BCOR: variants seen among roughly 807,000 people sequenced by gnomAD.
BCOR encodes the protein BCL6 corepressor.
A neutral mutation model predicts 86.7 loss-of-function variants in BCOR; 10 were observed. The observed-to-expected ratio is 0.12, with a 90% CI of 0.07 to 0.20. The LOEUF (loss-of-function observed/expected upper bound fraction) is 0.20. BCOR is among the 10% of genes least tolerant of loss of function. The pLI, the probability that BCOR is intolerant of heterozygous loss-of-function variation, is 1.00. For synonymous variants in BCOR, 611 were observed against 609.0 expected (o/e 1.00, Z -0.05); for missense variants, 1,259 against 1,452.1 (o/e 0.87, Z 2.16).
chrX:40,139,368 AT>A, intron 1 of BCOR, among the ~76,000 whole-genome samples: 2 of 51,753 alleles, frequency 3.9e-5, no homozygotes, highest in African/African-American at 1.2e-4. Flanking sequence ...AAAATTTAAA[AT>A]ATATATATAT....
At chrX:40,069,162 GACA>G (rs769158719) in intron 6 of BCOR, among the ~76,000 whole-genome samples, 3 of 112,651 alleles carry the variant, frequency 2.7e-5, no homozygotes, top group South Asian at 3.7e-4. Flanking sequence ...CAGCAGCAAG[GACA>G]ACATTTCCTC....
chrX:40,172,424 G>A (rs1003334793), intron 1 of BCOR, among the ~76,000 whole-genome samples: 3 of 113,069 alleles, frequency 2.7e-5, no homozygotes, highest in Admixed American at 9.2e-5. Flanking sequence ...AGAGGGCAGC[G>A]CGGTCTCCCC....
chrX:40,157,651 TTC>T (rs935029360), intron 1 of BCOR, among the ~76,000 whole-genome samples: 17 of 112,209 alleles, frequency 1.5e-4, no homozygotes, highest in African/African-American at 5.2e-4. Flanking sequence ...TTCTGGGTAC[TTC>T]TCTGTTTCTA....
At chrX:40,107,859 C>A (rs1350989022) in intron 1 of BCOR, among the ~76,000 whole-genome samples, 1 of 113,584 alleles carries the variant, frequency 8.8e-6, no homozygotes, top group Non-Finnish European at 1.9e-5. Context: ...GTGTCATTTG[C>A]ATAAAAATAG....
chrX:40,132,015 CAGA>C, intron 1 of BCOR, among the ~76,000 whole-genome samples: 1 of 111,931 alleles, frequency 8.9e-6, no homozygotes, highest in East Asian at 2.8e-4. Flanking sequence ...AAGACAAAGG[CAGA>C]AGAAGCCATG....
At chrX:40,105,654 G>A (rs1052208683) in intron 1 of BCOR, among the ~76,000 whole-genome samples, 1 of 112,992 alleles carries the variant, frequency 8.9e-6, no homozygotes, top group Non-Finnish European at 1.9e-5. Flanking sequence ...AGGCCCTGCA[G>A]CTGGGCGCGT....
At chrX:40,162,758 C>T (rs186380715) in intron 1 of BCOR, among the ~76,000 whole-genome samples, 12 of 112,057 alleles carry the variant, frequency 1.1e-4, no homozygotes, top group Non-Finnish European at 1.9e-4. Context: ...ACTGCCAATT[C>T]CCAAGCAAAA....
At chrX:40,089,629 C>T (rs1230786610) in intron 1 of BCOR, among the ~76,000 whole-genome samples, 1 of 111,289 alleles carries the variant, frequency 9.0e-6, no homozygotes, top group Non-Finnish European at 1.9e-5. Flanking sequence ...ATGCTCTCAA[C>T]AAGCCTCCCC....
intron 1 of BCOR, among the ~76,000 whole-genome samples, chrX:40,130,658 C>CA (rs1392559355): frequency 8.9e-6 from 1 of 111,999 alleles, no homozygotes; most frequent in Non-Finnish European, 1.9e-5. Context: ...AGAAGAGGAC[C>CA]AGAGAGAGCA....
In BCOR at chrX:40,063,035, C is replaced by T. The variant is rs1194416266; in HGVS notation, c.3884G>A (p.Ser1295Asn). 4.3e-6 allele frequency: 5 copies of T among 1,152,036 alleles called. No homozygotes were observed. In the South Asian group the frequency reaches 9.5e-5, roughly 22 times the overall value. The allele number at this position is 1,152,036 out of a possible 1,213,427, so 94.9% of individuals were successfully genotyped here. ...PVFSGSPPMK[S>N]LSSTSAGGKK... is the part of the protein sequence containing the mutation. The stretch of plus-strand genomic sequence containing the variant: ...GCCGCCTGCACTGGTGGATGAAAGA[C>T]TCTTCATGGGCGGAGAGCCGGAGAA... Residue 1295 changes from serine to asparagine, a missense_variant, in exon 9 of 15, where the codon AGT (serine) becomes AAT (asparagine). This residue lies in a region of BCOR where 305 missense variants were observed against 286.1 expected (regional missense o/e 1.07). Coordinates refer to ENST00000378444, the MANE Select transcript of BCOR (RefSeq NM_001123385.2).
intron 1 of BCOR, among the ~76,000 whole-genome samples, chrX:40,087,457 A>C (rs1373628397): frequency 8.9e-6 from 1 of 112,885 alleles, no homozygotes; most frequent in African/African-American, 3.2e-5. Context: ...TAGAATAACG[A>C]TAGCAGACAA....
chrX:40,127,359 T>G (rs1388912337), intron 1 of BCOR, among the ~76,000 whole-genome samples: 1 of 112,163 alleles, frequency 8.9e-6, no homozygotes, highest in East Asian at 2.8e-4. Flanking sequence ...GAGGCCATCT[T>G]GGATCTCCCC....
At chrX:40,109,412 G>A (rs1157952042) in intron 1 of BCOR, among the ~76,000 whole-genome samples, 7 of 112,271 alleles carry the variant, frequency 6.2e-5, no homozygotes, top group African/African-American at 2.3e-4. Flanking sequence ...CCTTGATGAG[G>A]TGCTGCCCCT....
chrX:40,085,714 G>A (rs972620988), intron 1 of BCOR, among the ~76,000 whole-genome samples: 3 of 112,006 alleles, frequency 2.7e-5, no homozygotes, highest in Non-Finnish European at 5.6e-5. Flanking sequence ...CAGGTGCCAG[G>A]GCTTGGAAGG....
intron 1 of BCOR, among the ~76,000 whole-genome samples, chrX:40,078,983 G>A (rs780667736): frequency 8.9e-6 from 1 of 111,883 alleles, no homozygotes; most frequent in African/African-American, 3.2e-5. Flanking sequence ...AGGTTGAGCC[G>A]TTTCTTTTGA....
rs1222917520 is a variant in BCOR at position 40,097,946 on chromosome X, C to G, written c.-772G>C. On this transcript the variant is annotated 5_prime_UTR_variant, in exon 1 of 15. Coordinates refer to ENST00000378444, the MANE Select transcript of BCOR (RefSeq NM_001123385.2). ...TCTGCCTCACCTTGCCGCTGGGAGCCCAGGCTCCGTCTGCCGCCGCACGCC... is the reference window on the plus strand; with the variant it reads ...TCTGCCTCACCTTGCCGCTGGGAGCGCAGGCTCCGTCTGCCGCCGCACGCC... Among the ~76,000 whole-genome samples the G allele has an allele frequency of 1.8e-5, 2 of 110,823 alleles. No homozygotes were observed. The highest frequency in any genetic ancestry group is 3.3e-5 in the African/African-American group (1 of 30,478).
intron 6 of BCOR, among the ~76,000 whole-genome samples, chrX:40,067,300 G>A (rs1298263276): frequency 8.9e-6 from 1 of 111,936 alleles, no homozygotes; most frequent in African/African-American, 3.3e-5. Context: ...TAGATATGGG[G>A]AGGTCTTGCC....
chrX:40,174,891 T>A (rs780322912), intron 1 of BCOR, among the ~76,000 whole-genome samples: 1 of 113,062 alleles, frequency 8.8e-6, no homozygotes, highest in South Asian at 3.6e-4. Context: ...GAAACAAAAA[T>A]GATCTTGGTT....
At chrX:40,141,773 C>A (rs1282048776) in intron 1 of BCOR, among the ~76,000 whole-genome samples, 1 of 111,220 alleles carries the variant, frequency 9.0e-6, no homozygotes, top group Admixed American at 9.6e-5. Flanking sequence ...AAGTCAGGCC[C>A]TCCAAGGAAG....
Sources: gnomAD v4.1 joint callset for allele counts (sites outside exome capture counted in the v4.1 genomes callset) on GRCh38, gnomAD v4.1.1 for gene constraint, gnomAD v4.1.1 regional missense constraint, MANE v1.5 for transcripts, NCBI Gene and HGNC (gene_info 2026-07-23, HGNC 2026-07-21) for gene names.